Variants in RBMS3 observed in about 807,000 individuals in gnomAD.
The protein encoded by RBMS3 is RNA-binding motif, single-stranded-interacting protein 3.
In RBMS3, 27 loss-of-function variants were observed where a neutral mutation model predicts 66.8. That is an observed-to-expected ratio of 0.40 (90% CI 0.30 to 0.56). The LOEUF (loss-of-function observed/expected upper bound fraction) is 0.56, where lower values mean the gene tolerates loss of function less well. RBMS3 is among the 20% of genes least tolerant of loss of function. The pLI is 0.40. For missense variants in RBMS3, 513 were observed against 549.5 expected (o/e 0.93, Z 0.66); for synonymous variants, 188 against 183.0 (o/e 1.03, Z -0.22).
At chr3:29,575,907 T>C (rs1358870637) in intron 3 of RBMS3, among the ~76,000 whole-genome samples, 2 of 152,154 alleles carry the variant, frequency 1.3e-5, no homozygotes, top group Non-Finnish European at 2.9e-5. Context: ...CTTTTTTGTC[T>C]GTATTATCTT....
intron 4 of RBMS3, among the ~76,000 whole-genome samples, chr3:29,695,747 T>G (rs777085919): frequency 1.3e-5 from 2 of 152,336 alleles, no homozygotes; most frequent in Non-Finnish European, 2.9e-5. Context: ...AAATCGTGTG[T>G]GGACAGCACG....
intron 4 of RBMS3, among the ~76,000 whole-genome samples, chr3:29,719,633 T>C (rs1483662695): frequency 6.6e-6 from 1 of 152,162 alleles, no homozygotes; most frequent in Non-Finnish European, 1.5e-5. Context: ...AGTAGAGTTG[T>C]AGATTTCCCC....
intron 1 of RBMS3, among the ~76,000 whole-genome samples, chr3:29,398,609 G>T (rs1361916728): frequency 6.6e-6 from 1 of 152,232 alleles, no homozygotes; most frequent in Admixed American, 6.5e-5. Flanking sequence ...CTTTGGCAGA[G>T]TTCCAGCTAG....
intron 4 of RBMS3, among the ~76,000 whole-genome samples, chr3:29,644,057 C>T (rs1001068351): frequency 6.6e-6 from 1 of 152,130 alleles, no homozygotes; most frequent in African/African-American, 2.4e-5. Flanking sequence ...AACATTTCTC[C>T]AGCTTCTCAT....
intron 4 of RBMS3, among the ~76,000 whole-genome samples, chr3:29,592,098 TAAAA>T (rs67612034): frequency 2.0e-5 from 3 of 150,344 alleles, no homozygotes; most frequent in African/African-American, 7.3e-5. Context: ...GAAAAAAAAA[TAAAA>T]AAAACCAGTG....
rs556051134 is a variant in RBMS3, at chr3:29,997,254, A to T, written c.1307+6045A>T. 4.7e-3 allele frequency among the ~76,000 whole-genome samples: 718 copies of T among 152,078 alleles called. 9 individuals carry two copies. The highest frequency in any genetic ancestry group is 0.016 in the African/African-American group (677 of 41,442). On this transcript the variant is annotated intron_variant, in intron 14 of 14. Transcript: ENST00000383767. Reference sequence around the variant, plus strand: ...ATCTCTGAATAGACCAATAACAGGAACTGAAATTGTGGCAATAATCAATAG... The same window carrying T: ...ATCTCTGAATAGACCAATAACAGGATCTGAAATTGTGGCAATAATCAATAG...
At chr3:29,314,958 T>C (rs534920905) in intron 1 of RBMS3, among the ~76,000 whole-genome samples, 1 of 151,706 alleles carries the variant, frequency 6.6e-6, no homozygotes, top group South Asian at 2.1e-4. Flanking sequence ...GAACCCAGGA[T>C]TGGGAAACAT....
At chr3:29,407,863 G>T (rs2040090593) in intron 1 of RBMS3, among the ~76,000 whole-genome samples, 1 of 152,180 alleles carries the variant, frequency 6.6e-6, no homozygotes, top group South Asian at 2.1e-4. Context: ...ACTAATAATA[G>T]AATTCACACT....
intron 3 of RBMS3, among the ~76,000 whole-genome samples, chr3:29,528,424 G>A (rs546116816): frequency 6.6e-6 from 1 of 152,140 alleles, no homozygotes; most frequent in South Asian, 2.1e-4. Flanking sequence ...ACAAATGCAA[G>A]CAAGCTTAAC....
chr3:29,612,906 T>G (rs569185567), intron 4 of RBMS3, among the ~76,000 whole-genome samples: 2 of 152,236 alleles, frequency 1.3e-5, no homozygotes, highest in East Asian at 1.9e-4. Flanking sequence ...TAAAATTGCA[T>G]AGGTATCATA....
At chr3:29,813,359 G>A (rs1041913266) in intron 6 of RBMS3, among the ~76,000 whole-genome samples, 2 of 152,088 alleles carry the variant, frequency 1.3e-5, no homozygotes, top group African/African-American at 4.8e-5. Flanking sequence ...CATGAGTTAG[G>A]ATGTTTTACT....
chr3:29,992,804 A>ATGAGAAAATTGATTAGATAT (rs1553715659), intron 14 of RBMS3, among the ~76,000 whole-genome samples: 1 of 151,812 alleles, frequency 6.6e-6, no homozygotes, highest in Non-Finnish European at 1.5e-5. Flanking sequence ...AATGTAGGGG[A>ATGAGAAAATTGATTAGATAT]TGAGAAAATT....
At chr3:29,361,356 A>T (rs1391061395) in intron 1 of RBMS3, among the ~76,000 whole-genome samples, 1 of 150,738 alleles carries the variant, frequency 6.6e-6, no homozygotes, top group African/African-American at 2.5e-5. Flanking sequence ...TCTTTTATTT[A>T]AGAATGTTGA....
intron 4 of RBMS3, among the ~76,000 whole-genome samples, chr3:29,600,786 TG>T (rs1233230482): frequency 6.6e-6 from 1 of 151,984 alleles, no homozygotes; most frequent in Non-Finnish European, 1.5e-5. Flanking sequence ...TAGGGAAAAA[TG>T]GTCATAGTAA....
intron 4 of RBMS3, among the ~76,000 whole-genome samples, chr3:29,736,750 CT>C (rs1289870153): frequency 6.6e-6 from 1 of 152,116 alleles, no homozygotes; most frequent in Admixed American, 6.5e-5. Context: ...TTTCTCAATT[CT>C]TCTTTAATTC....
chr3:29,780,016 G>A (rs1028405434), intron 6 of RBMS3, among the ~76,000 whole-genome samples: 19 of 151,550 alleles, frequency 1.3e-4, no homozygotes, highest in African/African-American at 3.9e-4. Context: ...CCTGCATGGA[G>A]GAAAGGAATC....
chr3:29,642,126 C>T (rs1208457378), intron 4 of RBMS3, among the ~76,000 whole-genome samples: 6 of 152,012 alleles, frequency 3.9e-5, no homozygotes, highest in South Asian at 4.1e-4. Context: ...CAACTTTCTG[C>T]GATCAGAAAG....
intron 4 of RBMS3, 137 bp downstream of exon 4, chr3:29,587,342 G>A (rs1421020991): frequency 1.9e-6 from 1 of 527,942 alleles, no homozygotes; most frequent in Non-Finnish European, 3.0e-6. Context: ...CCTTTGCTCT[G>A]AGCTCACTCA....
At chr3:29,627,751 T>G (rs2049124254) in intron 4 of RBMS3, among the ~76,000 whole-genome samples, 1 of 152,138 alleles carries the variant, frequency 6.6e-6, no homozygotes, top group Admixed American at 6.6e-5. Context: ...TGTTTTCATG[T>G]GGTAAGCACT....
Sources: allele counts gnomAD v4.1 joint callset (sites outside exome capture counted in the v4.1 genomes callset), GRCh38; gene constraint gnomAD v4.1.1; transcripts MANE v1.5; gene names NCBI Gene and HGNC (gene_info 2026-07-23, HGNC 2026-07-21).